WDR7: variants seen among roughly 807,000 people sequenced by gnomAD.
WDR7 encodes the protein WD repeat domain 7.
In WDR7, 46 loss-of-function variants were observed where a neutral mutation model predicts 169.4. The ratio of observed to expected loss-of-function variants is 0.27; its 90% CI spans 0.21 to 0.35. WDR7 has a LOEUF of 0.35. WDR7 is among the 10% of genes least tolerant of loss of function. The pLI, the probability that WDR7 is intolerant of heterozygous loss-of-function variation, is 1.00. For missense variants in WDR7, 1,534 were observed against 1,859.3 expected, an observed-to-expected ratio of 0.83 and a Z score of 3.22; for synonymous variants, 612 against 666.8, an observed-to-expected ratio of 0.92 and a Z score of 1.27.
chr18:56,960,640 G>A (rs2047325745), intron 25 of WDR7, among the ~76,000 whole-genome samples: 1 of 152,130 alleles, frequency 6.6e-6, no homozygotes, highest in African/African-American at 2.4e-5. Flanking sequence ...ACACAGTGAT[G>A]CCCAATACTT....
At chr18:56,659,593 C>T (rs2024860453) in intron 1 of WDR7, among the ~76,000 whole-genome samples, 1 of 152,120 alleles carries the variant, frequency 6.6e-6, no homozygotes, top group Admixed American at 6.5e-5. Context: ...AAACTCTTCA[C>T]TAAAAAGGTA....
intron 26 of WDR7, chr18:57,009,819 G>C: frequency 4.1e-6 from 4 of 982,082 alleles, no homozygotes; most frequent in Non-Finnish European, 4.8e-6. Flanking sequence ...ATCTACATCA[G>C]ACAATTTTGT....
chr18:56,806,564 G>A (rs2044777153), intron 19 of WDR7, among the ~76,000 whole-genome samples: 1 of 152,122 alleles, frequency 6.6e-6, no homozygotes, highest in Non-Finnish European at 1.5e-5. Flanking sequence ...CAGTAGCACG[G>A]TTTTACATCA....
chr18:56,994,238 A>G (rs996125798), intron 26 of WDR7, among the ~76,000 whole-genome samples: 2 of 151,976 alleles, frequency 1.3e-5, no homozygotes, highest in Non-Finnish European at 2.9e-5. Flanking sequence ...TGGCCAGGCT[A>G]GTCTCGAACT....
Position 56,781,625 on chromosome 18 carries a change from C to T in WDR7, c.3159C>T (p.Tyr1053=). The change falls in exon 19 of 28, where the codon TAC becomes TAT. Residue 1053 remains tyrosine, a synonymous_variant. Coordinates refer to ENST00000254442, the MANE Select transcript of WDR7 (RefSeq NM_015285.3). ...RKEAIDAWAP[Y]LPQYIDHVIS... Reference sequence around the variant, plus strand: ...AAGCCATTGATGCCTGGGCTCCTTACTTACCTCAGTACATAGACCACGTCA... The same window carrying T: ...AAGCCATTGATGCCTGGGCTCCTTATTTACCTCAGTACATAGACCACGTCA... 1 of 1,612,458 alleles carries T rather than the reference C, an allele frequency of 6.2e-7. No individual in the cohort carries two copies. Among genetic ancestry groups the T allele is most frequent in the Non-Finnish European group, 8.5e-7 (1 of 1,179,210 alleles).
chr18:56,758,075 CAG>C (rs1360265530), intron 15 of WDR7, among the ~76,000 whole-genome samples: 1 of 151,968 alleles, frequency 6.6e-6, no homozygotes, highest in South Asian at 2.1e-4. Context: ...GAAGTATAGT[CAG>C]AATTTTTCAA....
intron 23 of WDR7, 72 bp from the exon 24 acceptor site, chr18:56,938,461 A>C: frequency 6.4e-7 from 1 of 1,558,942 alleles, no homozygotes; most frequent in African/African-American, 1.4e-5. Flanking sequence ...AGAAAGTAAA[A>C]AATAAACCAT....
chr18:56,835,566 G>A (rs1359954303), intron 20 of WDR7, among the ~76,000 whole-genome samples: 3 of 152,098 alleles, frequency 2.0e-5, no homozygotes, highest in African/African-American at 7.2e-5. Flanking sequence ...TGTGGGATAG[G>A]GTAGGTATAT....
rs2047502959 is a variant in WDR7, at chr18:56,972,504, T to C, written c.4164+9975T>C. Among the ~76,000 whole-genome samples the C allele has an allele frequency of 1.3e-5, 2 of 152,206 alleles. 1 individual carries two copies. On this transcript the variant is annotated intron_variant, in intron 26 of 27. Coordinates refer to ENST00000254442, the MANE Select transcript of WDR7 (RefSeq NM_015285.3). ...CATTTTAGGTATTTTCTTCCTGCTC[T>C]TTTCAGCAGCTGGTTTTATGGCAGG...
chr18:56,738,292 A>G (rs1418267639), intron 14 of WDR7, among the ~76,000 whole-genome samples: 1 of 152,188 alleles, frequency 6.6e-6, no homozygotes, highest in East Asian at 1.9e-4. Context: ...AAACTTGGCC[A>G]GGCACGGTGG....
At chr18:56,838,973 A>G (rs542890383) in intron 20 of WDR7, among the ~76,000 whole-genome samples, 1 of 152,286 alleles carries the variant, frequency 6.6e-6, no homozygotes, top group East Asian at 1.9e-4. Flanking sequence ...AAGATTATTA[A>G]GGCTTCTTTG....
At position 56,756,743 on chromosome 18, in the gene WDR7, C is replaced by T. The variant is rs752474965; in HGVS notation, c.2150C>T (p.Pro717Leu). Reference protein sequence around the residue: ...ASRPNTALISPENLQKASGSS... With the variant: ...ASRPNTALISLENLQKASGSS... The stretch of plus-strand genomic sequence containing the variant: ...AGGCCGAATACTGCTCTTATTTCCC[C>T]AGAGAATTTGCAAAAAGCATCTGGC... Residue 717 changes from proline (P) to leucine (L), a missense_variant, in exon 15 of 28, where the codon CCA becomes CTA. Coordinates refer to ENST00000254442, the MANE Select transcript of WDR7 (RefSeq NM_015285.3). The T allele has an allele frequency of 5.0e-5, 81 of 1,614,112 alleles. 1 individual carries two copies. In the Middle Eastern group the frequency reaches 1.3e-3, roughly 26 times the overall value.
chr18:56,683,434 A>G (rs1236138228), intron 5 of WDR7, among the ~76,000 whole-genome samples: 2 of 152,206 alleles, frequency 1.3e-5, no homozygotes, highest in Admixed American at 6.5e-5. Context: ...AGAACATTGA[A>G]TGTCTACTTT....
intron 19 of WDR7, among the ~76,000 whole-genome samples, chr18:56,789,638 C>T (rs919213390): frequency 5.9e-5 from 9 of 152,334 alleles, no homozygotes; most frequent in African/African-American, 1.9e-4. Flanking sequence ...CCCACTTAGG[C>T]CCCTGAGGCA....
At chr18:56,838,662 C>A (rs1395413138) in intron 20 of WDR7, among the ~76,000 whole-genome samples, 1 of 152,058 alleles carries the variant, frequency 6.6e-6, no homozygotes, top group East Asian at 1.9e-4. Flanking sequence ...AAAGACACAG[C>A]CTGTATTTTA....
Position 56,661,987 on chromosome 18 carries a change from C to T in WDR7, c.-20+10411C>T, listed in dbSNP as rs75730698. Among the ~76,000 whole-genome samples, 1,434 of 152,330 alleles carry T rather than the reference C, an allele frequency of 9.4e-3. 9 individuals carry two copies. The highest frequency in any genetic ancestry group is 0.017 in the Middle Eastern group (5 of 292). On this transcript the variant is annotated intron_variant, in intron 1 of 27. Transcript: ENST00000254442. ...TTGACAAATGACATAGGAATGTTCT[C>T]TGAGAATTTGAATAAACCTTTACAA...
At chr18:56,986,126 CTTTGTG>C (rs1249851064) in intron 26 of WDR7, among the ~76,000 whole-genome samples, 3 of 123,162 alleles carry the variant, frequency 2.4e-5, no homozygotes, top group Admixed American at 9.2e-5. Context: ...ATTTCAGCTT[CTTTGTG>C]TGTGTGTGTG....
intron 14 of WDR7, among the ~76,000 whole-genome samples, chr18:56,749,017 AT>A (rs2043746771): frequency 2.0e-5 from 3 of 151,722 alleles, no homozygotes; most frequent in South Asian, 4.2e-4. Flanking sequence ...TATTGTGCAT[AT>A]TTTTTAGTAG....
chr18:56,689,397 A>T (rs2025516581), intron 7 of WDR7, among the ~76,000 whole-genome samples: 1 of 152,148 alleles, frequency 6.6e-6, no homozygotes, highest in Non-Finnish European at 1.5e-5. Flanking sequence ...AGTAGCTGGG[A>T]TCACAGGCAT....
Sources: allele counts gnomAD v4.1 joint callset (sites outside exome capture counted in the v4.1 genomes callset), GRCh38; gene constraint gnomAD v4.1.1; transcripts MANE v1.5; gene names NCBI Gene and HGNC (gene_info 2026-07-23, HGNC 2026-07-21).